DNAH12: variants seen among roughly 807,000 people sequenced by gnomAD.
The protein encoded by DNAH12 is axonemal beta dynein heavy chain 12.
A neutral mutation model predicts 371.5 loss-of-function variants in DNAH12; 285 were observed. The observed-to-expected ratio is 0.77, with a 90% CI of 0.70 to 0.85. The LOEUF (loss-of-function observed/expected upper bound fraction) is 0.85, where lower values mean the gene tolerates loss of function less well. Ranked by LOEUF, DNAH12 falls within the 40% of genes least tolerant of loss-of-function variation. The pLI is 0.00. For missense variants in DNAH12, 3,611 were observed against 3,689.4 expected (o/e 0.98, Z 0.55); for synonymous variants, 1,200 against 1,213.0 (o/e 0.99, Z 0.22).
chr3:57,509,658 T>A (rs1317474292), intron 5 of DNAH12, among the ~76,000 whole-genome samples: 12 of 151,850 alleles, frequency 7.9e-5, no homozygotes, highest in African/African-American at 2.9e-4. Flanking sequence ...GGTCAGGAGT[T>A]TGAGACCAGG....
Position 57,504,088 on chromosome 3 carries a change from T to A in DNAH12, c.1014A>T (p.Glu338Asp). Residue 338 changes from glutamate to aspartate, a missense_variant, in exon 9 of 74, where the codon GAA (glutamate) becomes GAT (aspartate). Physicochemically the swap from Glu to Asp is conservative, Grantham distance 45. Transcript: ENST00000495027. ...IELTFDDDKM[E>D]FYPTFQDLED... ...CCAAATCTTGAAAGGTAGGATAAAA[T>A]TCCATTTTGTCGTCATCAAATGTCA... 6.2e-7 allele frequency: 1 copy of A among 1,614,066 alleles called. No homozygotes were observed. Among genetic ancestry groups the A allele is most frequent in the Non-Finnish European group, 8.5e-7 (1 of 1,179,974 alleles).
At chr3:57,525,106 AC>A (rs972048455) in intron 2 of DNAH12, among the ~76,000 whole-genome samples, 1 of 151,688 alleles carries the variant, frequency 6.6e-6, no homozygotes, top group African/African-American at 2.4e-5. Flanking sequence ...ACGAAAAACA[AC>A]AATTGAATGA....
In DNAH12 at chr3:57,501,394, A is replaced by G; in HGVS notation, c.1262T>C (p.Leu421Pro). 1 of 1,587,570 alleles carries G rather than the reference A, an allele frequency of 6.3e-7. No homozygotes were observed. Among genetic ancestry groups the G allele is most frequent in the South Asian group, 1.2e-5 (1 of 84,800 alleles). Residue 421 changes from leucine to proline, a missense_variant, in exon 11 of 74, where the codon CTC becomes CCC. Transcript: ENST00000495027. ...YETYVEKYNW[L>P]LDGTAVENIE... The stretch of plus-strand genomic sequence containing the variant: ...ATTCTCAACTGCAGTCCCATCAAGG[A>G]GCCAATTATATTTTTCAACTGAAAA...
At chr3:57,489,472 C>T in intron 12 of DNAH12, 37 bp downstream of exon 12, 1 of 1,448,944 alleles carries the variant, frequency 6.9e-7, no homozygotes, top group Non-Finnish European at 9.1e-7. Context: ...CTTCTTTTAG[C>T]CATATAATTC....
At chr3:57,453,447 A>G in intron 23 of DNAH12, 44 bp from the exon 24 acceptor site, 3 of 1,422,258 alleles carry the variant, frequency 2.1e-6, no homozygotes, top group Non-Finnish European at 2.8e-6. Flanking sequence ...GTCACATCAT[A>G]CTTAAAACAT....
intron 4 of DNAH12, among the ~76,000 whole-genome samples, chr3:57,522,653 C>G (rs9857603): frequency 0.071 from 10,731 of 152,126 alleles, 1,305 homozygotes; most frequent in African/African-American, 0.24. Context: ...CCTCTATCCC[C>G]CAAAGTGAAT....
At chr3:57,492,521 T>C (rs1200842301) in intron 11 of DNAH12, among the ~76,000 whole-genome samples, 1 of 152,044 alleles carries the variant, frequency 6.6e-6, no homozygotes, top group Non-Finnish European at 1.5e-5. Context: ...TTACAGTTCA[T>C]CATTCTTAAA....
At chr3:57,306,229 A>C (rs576506188) in intron 69 of DNAH12, among the ~76,000 whole-genome samples, 3 of 152,154 alleles carry the variant, frequency 2.0e-5, no homozygotes, top group African/African-American at 7.2e-5. Context: ...TCACAGTGGA[A>C]GGTAAGTCCG....
chr3:57,394,634 A>C (rs1301919608), intron 43 of DNAH12, among the ~76,000 whole-genome samples: 1 of 152,210 alleles, frequency 6.6e-6, no homozygotes, highest in Non-Finnish European at 1.5e-5. Flanking sequence ...AACAGAGAGA[A>C]TCCTGGCTGT....
At position 57,413,846 on chromosome 3, in the gene DNAH12, A is replaced by T. The variant is rs1553683799; in HGVS notation, c.5920T>A (p.Cys1974Ser). Reference sequence around the variant, plus strand: ...TTCATATCATCTATAAAAATTATACACTTCTTTCCCATAGGTGGTCCAAAG... The same window carrying T: ...TTCATATCATCTATAAAAATTATACTCTTCTTTCCCATAGGTGGTCCAAAG... ...GVFGPPMGKK[C>S]IIFIDDMNMP... Residue 1974 changes from cysteine to serine, a missense_variant, in exon 39 of 74, where the codon TGT (cysteine) becomes AGT (serine). This residue lies in a region of DNAH12 where 2,266 missense variants were observed against 2,236.9 expected (regional missense o/e 1.01). Transcript: ENST00000495027. 6.4e-7 allele frequency: 1 copy of T among 1,551,220 alleles called. No individual in the cohort carries two copies.
chr3:57,422,878 A>T (rs2064635629), intron 35 of DNAH12, among the ~76,000 whole-genome samples: 1 of 152,208 alleles, frequency 6.6e-6, no homozygotes, highest in African/African-American at 2.4e-5. Context: ...GCAGCTGTTA[A>T]AAAACAAGGT....
chr3:57,420,244 C>A (rs894273877), intron 36 of DNAH12, among the ~76,000 whole-genome samples: 3 of 151,816 alleles, frequency 2.0e-5, no homozygotes, highest in Non-Finnish European at 4.4e-5. Context: ...CCCTGGAGAA[C>A]CCCAGCCCTT....
chr3:57,354,992 T>C (rs924356177), intron 59 of DNAH12, among the ~76,000 whole-genome samples: 1 of 152,026 alleles, frequency 6.6e-6, no homozygotes, highest in African/African-American at 2.4e-5. Context: ...GGGAAGGAAG[T>C]GGGTATAGCT....
Position 57,369,044 on chromosome 3 carries a change from T to TA in DNAH12, c.8760-785dup, listed in dbSNP as rs1400736460. ...CAACATGGTGAAAGCCCGTCTCTACTAAAAAAAAAGTAAATAAATACAAAA... is the reference window on the plus strand; with the variant it reads ...CAACATGGTGAAAGCCCGTCTCTACTAAAAAAAAAAGTAAATAAATACAAAA... On this transcript the variant is annotated intron_variant, in intron 55 of 73. Coordinates refer to ENST00000495027, the MANE Select transcript of DNAH12 (RefSeq NM_001366028.2). Among the ~76,000 whole-genome samples the TA allele has an allele frequency of 1.2e-3, 175 of 149,234 alleles. 1 individual carries two copies. The highest frequency in any genetic ancestry group is 2.3e-3 in the African/African-American group (94 of 40,708).
intron 2 of DNAH12, chr3:57,530,634 C>T (rs2068808081): frequency 3.8e-6 from 2 of 524,164 alleles, no homozygotes; most frequent in Middle Eastern, 8.3e-4. Context: ...GTGGGATTTT[C>T]ACCACTGTCA....
intron 42 of DNAH12, among the ~76,000 whole-genome samples, 164 bp downstream of exon 42, chr3:57,404,805 A>G (rs1470072721): frequency 6.6e-6 from 1 of 152,204 alleles, no homozygotes. Context: ...GGGTGACTAT[A>G]ACAGGGAATT....
At chr3:57,521,386 G>T (rs1190687012) in intron 4 of DNAH12, among the ~76,000 whole-genome samples, 1 of 151,986 alleles carries the variant, frequency 6.6e-6, no homozygotes, top group East Asian at 1.9e-4. Flanking sequence ...AAAAATCAGG[G>T]GGATGGTGGC....
chr3:57,461,452 A>C, intron 19 of DNAH12, 37 bp downstream of exon 19: 1 of 1,543,416 alleles, frequency 6.5e-7, no homozygotes, highest in Non-Finnish European at 8.8e-7. Flanking sequence ...TGCAATCCGT[A>C]TAAATGACCA....
intron 34 of DNAH12, among the ~76,000 whole-genome samples, chr3:57,427,513 C>A (rs1001558447): frequency 6.6e-6 from 1 of 151,912 alleles, no homozygotes; most frequent in Non-Finnish European, 1.5e-5. Flanking sequence ...ATGGAGAAAC[C>A]ATGTCTCTAC....
Sources: gnomAD v4.1 joint callset for allele counts (sites outside exome capture counted in the v4.1 genomes callset) on GRCh38, gnomAD v4.1.1 for gene constraint, gnomAD v4.1.1 regional missense constraint, MANE v1.5 for transcripts, NCBI Gene and HGNC (gene_info 2026-07-23, HGNC 2026-07-21) for gene names.